CYTH1: variants seen among roughly 807,000 people sequenced by gnomAD.
The protein encoded by CYTH1 is cytohesin 1.
In CYTH1, 18 loss-of-function variants were observed where a neutral mutation model predicts 61.8. That is an observed-to-expected ratio of 0.29 (90% CI 0.20 to 0.43). CYTH1 has a LOEUF of 0.43. Among genes scored for constraint, CYTH1 ranks in the 20% least tolerant of loss-of-function variants. CYTH1 has a pLI of 1.00. For missense variants in CYTH1, 336 were observed against 510.5 expected (o/e 0.66, Z 3.29); for synonymous variants, 174 against 184.3 (o/e 0.94, Z 0.45).
intron 1 of CYTH1, among the ~76,000 whole-genome samples, chr17:78,762,169 A>G (rs7221314): frequency 0.26 from 38,936 of 152,152 alleles, 6,019 homozygotes; most frequent in East Asian, 0.4. Context: ...CTTTACTCTC[A>G]GAGTACAAAA....
intron 1 of CYTH1, among the ~76,000 whole-genome samples, chr17:78,741,371 C>G (rs759820539): frequency 2.0e-5 from 3 of 150,802 alleles, no homozygotes; most frequent in Non-Finnish European, 4.4e-5. Context: ...CCTATTTCTA[C>G]AAAAAAATTA....
chr17:78,738,965 G>A (rs560610793), intron 1 of CYTH1, among the ~76,000 whole-genome samples: 1 of 152,246 alleles, frequency 6.6e-6, no homozygotes, highest in Non-Finnish European at 1.5e-5. Context: ...CCACGTCCCT[G>A]ATGGGACCAA....
At chr17:78,754,641 C>T (rs1435406940) in intron 1 of CYTH1, among the ~76,000 whole-genome samples, 1 of 152,132 alleles carries the variant, frequency 6.6e-6, no homozygotes, top group Non-Finnish European at 1.5e-5. Context: ...AGCCATCATG[C>T]CCAGCCCAAA....
chr17:78,676,853 T>C (rs2092705537), intron 13 of CYTH1: 1 of 390,944 alleles, frequency 2.6e-6, no homozygotes. Context: ...ACCACAACCC[T>C]ATGTCTGCCA....
At chr17:78,760,937 G>A (rs1397980890) in intron 1 of CYTH1, among the ~76,000 whole-genome samples, 2 of 152,062 alleles carry the variant, frequency 1.3e-5, no homozygotes, top group East Asian at 3.9e-4. Context: ...CCGGGTTCAA[G>A]TGATTCTCCT....
At chr17:78,686,426 A>G (rs2092817092) in intron 11 of CYTH1, among the ~76,000 whole-genome samples, 2 of 152,240 alleles carry the variant, frequency 1.3e-5, no homozygotes, top group Admixed American at 1.3e-4. Flanking sequence ...TAAATCTGTG[A>G]GTGACCCCTG....
At chr17:78,765,668 GGATGGTCCCCCA>G (rs982527318) in intron 1 of CYTH1, among the ~76,000 whole-genome samples, 14 of 152,250 alleles carry the variant, frequency 9.2e-5, no homozygotes, top group African/African-American at 3.1e-4. Flanking sequence ...GGTTTAGTCA[GGATGGTCCCCCA>G]GATGGTCCCC....
intron 10 of CYTH1, among the ~76,000 whole-genome samples, chr17:78,693,791 A>G (rs1265367794): frequency 6.6e-6 from 1 of 152,136 alleles, no homozygotes; most frequent in Non-Finnish European, 1.5e-5. Flanking sequence ...TCTCCCATCA[A>G]GGGAACATTT....
chr17:78,700,484 C>A lies in CYTH1; in HGVS notation c.438-41G>T. 2.1e-6 allele frequency: 3 copies of A among 1,445,902 alleles called. No individual in the cohort carries two copies. Among genetic ancestry groups the A allele is most frequent in the South Asian group, 1.3e-5 (1 of 79,232 alleles). The allele number at this position is 1,445,902 out of a possible 1,614,324, so 89.6% of individuals were successfully genotyped here. A position where few individuals can be genotyped will look rare whatever the true frequency, so the allele number is the denominator to read the frequency against. On this transcript the variant is annotated intron_variant, in intron 6 of 13. Transcript: ENST00000446868. The surrounding 1 kb of genome is among the most constrained non-coding windows in gnomAD (Gnocchi z 5.1). Reference sequence around the variant, plus strand: ...CAGAGTGTTCCAGAACTTGGGGAGGCAATTTATTTCTCTATGAATTGTTAA... The same window carrying A: ...CAGAGTGTTCCAGAACTTGGGGAGGAAATTTATTTCTCTATGAATTGTTAA...
intron 1 of CYTH1, among the ~76,000 whole-genome samples, chr17:78,725,951 G>C (rs974693593): frequency 6.6e-6 from 1 of 151,846 alleles, no homozygotes. Context: ...GAGAATCACA[G>C]GAAACGACTG....
intron 13 of CYTH1, among the ~76,000 whole-genome samples, chr17:78,678,978 A>G (rs1004598448): frequency 1.3e-5 from 2 of 152,230 alleles, no homozygotes; most frequent in African/African-American, 4.8e-5. Flanking sequence ...ATGAATTTTC[A>G]GATTACTTTT....
intron 1 of CYTH1, among the ~76,000 whole-genome samples, chr17:78,776,757 A>G (rs1394061339): frequency 1.3e-5 from 2 of 151,798 alleles, no homozygotes; most frequent in Non-Finnish European, 2.9e-5. Context: ...CCTGAGCAGA[A>G]TAGTATTTTC....
At chr17:78,690,186 G>C (rs2092864352) in intron 11 of CYTH1, among the ~76,000 whole-genome samples, 1 of 151,470 alleles carries the variant, frequency 6.6e-6, no homozygotes, top group Non-Finnish European at 1.5e-5. Context: ...ACAAGATCAG[G>C]AGATCGAGAC....
chr17:78,760,187 C>A lies in CYTH1; in HGVS notation c.22+22015G>T, dbSNP rs190162924. On this transcript the variant is annotated intron_variant, in intron 1 of 13. Coordinates refer to ENST00000446868, the MANE Select transcript of CYTH1 (RefSeq NM_004762.6). Reference sequence around the variant, plus strand: ...AAACAAACCACTTCTGCATGTTCATCTGCCTAGGACATCTGCTACCACAAT... The same window carrying A: ...AAACAAACCACTTCTGCATGTTCATATGCCTAGGACATCTGCTACCACAAT... Among the ~76,000 whole-genome samples the A allele has an allele frequency of 9.9e-5, 15 of 151,506 alleles. No individual in the cohort carries two copies. In the East Asian group the frequency reaches 2.9e-3, roughly 29 times the overall value.
In CYTH1 at chr17:78,698,253, T is replaced by TC; in HGVS notation, c.811+15dup. The TC allele has an allele frequency of 6.2e-7, 1 of 1,603,824 alleles. No homozygotes were observed. Among genetic ancestry groups the TC allele is most frequent in the South Asian group, 1.1e-5 (1 of 90,768 alleles). ...AAGTCTCAGCTTTAGGAGCCCTGACTCAGAGGTGCGCTTACCGAGTTTCAA... is the reference window on the plus strand; with the variant it reads ...AAGTCTCAGCTTTAGGAGCCCTGACTCCAGAGGTGCGCTTACCGAGTTTCAA... On this transcript the variant is annotated intron_variant, in intron 9 of 13. Coordinates refer to ENST00000446868, the MANE Select transcript of CYTH1 (RefSeq NM_004762.6).
At chr17:78,746,032 A>T (rs970598180) in intron 1 of CYTH1, among the ~76,000 whole-genome samples, 1 of 152,224 alleles carries the variant, frequency 6.6e-6, no homozygotes, top group Non-Finnish European at 1.5e-5. Context: ...TGTTAATATC[A>T]ACATTGGTTT....
intron 10 of CYTH1, 78 bp downstream of exon 10, chr17:78,695,929 A>C: frequency 1.5e-6 from 2 of 1,360,998 alleles, no homozygotes; most frequent in Non-Finnish European, 2.0e-6. Flanking sequence ...CAAAATAACC[A>C]AAAATAACGA....
chr17:78,726,398 T>C (rs760639782), intron 1 of CYTH1, among the ~76,000 whole-genome samples: 7 of 149,380 alleles, frequency 4.7e-5, no homozygotes, highest in Non-Finnish European at 1.0e-4. Context: ...TCAGTTACTG[T>C]GGAAGAGGCC....
intron 1 of CYTH1, among the ~76,000 whole-genome samples, chr17:78,739,024 T>C (rs148118853): frequency 5.4e-4 from 83 of 152,370 alleles, no homozygotes; most frequent in African/African-American, 2.0e-3. Context: ...TCGTTGTTGT[T>C]GGTCATTTGC....
Sources: gnomAD v4.1 joint callset for allele counts (sites outside exome capture counted in the v4.1 genomes callset) on GRCh38, gnomAD v4.1.1 for gene constraint, Gnocchi (gnomAD v3.1) non-coding constraint, MANE v1.5 for transcripts, NCBI Gene and HGNC (gene_info 2026-07-23, HGNC 2026-07-21) for gene names.